CDH17: variants seen among roughly 807,000 people sequenced by gnomAD.
CDH17 encodes the protein cadherin 17.
Under a neutral mutation model 86.3 loss-of-function variants are expected in CDH17, and 67 were observed. The observed-to-expected ratio is 0.78, with a 90% CI of 0.64 to 0.95. The LOEUF (loss-of-function observed/expected upper bound fraction) is 0.95, where lower values mean the gene tolerates loss of function less well. CDH17 is among the 40% of genes least tolerant of loss of function. The pLI is 0.00. For missense variants in CDH17, 993 were observed against 1,017.6 expected (o/e 0.98, Z 0.33); for synonymous variants, 367 against 366.4 (o/e 1.00, Z -0.02).
chr8:94,141,164 A>C (rs1178761084), intron 15 of CDH17, among the ~76,000 whole-genome samples: 1 of 152,130 alleles, frequency 6.6e-6, no homozygotes, highest in Non-Finnish European at 1.5e-5. Context: ...TAGATTCAAA[A>C]GTTGATAATA....
At position 94,191,466 on chromosome 8, in the gene CDH17, T is replaced by C. The variant is rs866103660; in HGVS notation, c.52-2181A>G. On this transcript the variant is annotated intron_variant, in intron 2 of 17. Coordinates refer to ENST00000027335, the MANE Select transcript of CDH17 (RefSeq NM_004063.4). The stretch of plus-strand genomic sequence containing the variant: ...AGAAAATGCTTTTTTTTTTTTTTTT[T>C]TTGAGACAGAGTTTCACTTTTGTTG... Among the ~76,000 whole-genome samples, 123 of 151,550 alleles carry C rather than the reference T, an allele frequency of 8.1e-4. No homozygotes were observed. In the South Asian group the frequency reaches 0.012, roughly 15 times the overall value.
intron 3 of CDH17, among the ~76,000 whole-genome samples, chr8:94,186,327 T>G (rs571958765): frequency 2.0e-5 from 3 of 152,266 alleles, no homozygotes; most frequent in African/African-American, 7.2e-5. Context: ...TTGTCCTTCT[T>G]TCTGTTCCCT....
chr8:94,153,515 T>C (rs768820341), intron 12 of CDH17, among the ~76,000 whole-genome samples: 1 of 152,184 alleles, frequency 6.6e-6, no homozygotes, highest in African/African-American at 2.4e-5. Context: ...ACTGGGTATA[T>C]AAAGTCAGTA....
chr8:94,214,620 A>G (rs1814168554), intron 1 of CDH17, among the ~76,000 whole-genome samples: 2 of 152,150 alleles, frequency 1.3e-5, no homozygotes, highest in Non-Finnish European at 2.9e-5. Flanking sequence ...CACCAAAAGC[A>G]CAAATAACAA....
chr8:94,130,330 C>T (rs1053471492), intron 17 of CDH17, among the ~76,000 whole-genome samples: 1 of 152,200 alleles, frequency 6.6e-6, no homozygotes, highest in Admixed American at 6.5e-5. Context: ...ACAGCTACTG[C>T]ATTTCTTCCC....
intron 7 of CDH17, among the ~76,000 whole-genome samples, chr8:94,171,636 TG>T (rs1231751362): frequency 6.6e-6 from 1 of 152,200 alleles, no homozygotes; most frequent in African/African-American, 2.4e-5. Flanking sequence ...TTACTGAGTT[TG>T]CCACATGCCA....
intron 1 of CDH17, among the ~76,000 whole-genome samples, chr8:94,199,075 ATATATATATT>A (rs1234563809): frequency 0.043 from 411 of 9,646 alleles, no homozygotes; most frequent in South Asian, 0.13. Flanking sequence ...ATATATATAT[ATATATATATT>A]TTTTTTTTTT....
intron 15 of CDH17, among the ~76,000 whole-genome samples, chr8:94,137,482 T>C (rs983416976): frequency 1.3e-5 from 2 of 152,162 alleles, no homozygotes; most frequent in Non-Finnish European, 2.9e-5. Flanking sequence ...TGCCAGTTGC[T>C]AAGATCTTGG....
At chr8:94,162,776 T>G (rs1482406183) in intron 10 of CDH17, among the ~76,000 whole-genome samples, 1 of 152,194 alleles carries the variant, frequency 6.6e-6, no homozygotes, top group Non-Finnish European at 1.5e-5. Flanking sequence ...CTTTCAGGGA[T>G]GGGTTTCACA....
rs1813315783 is a variant in CDH17 at position 94,173,809 on chromosome 8, G to A, written c.771C>T (p.Ile257=). The stretch of plus-strand genomic sequence containing the variant: ...GCTTGGGTACTACCTGAGTGATTTT[G>A]ATGGGGTGAGGATCAGTTGAGTTTT... The part of the protein sequence containing the change: ...MVENSTDPHP[I]KITQVRWNDP... Residue 257 remains isoleucine, a synonymous_variant, in exon 7 of 18, where the codon ATC becomes ATT. Coordinates refer to ENST00000027335, the MANE Select transcript of CDH17 (RefSeq NM_004063.4). The A allele has an allele frequency of 1.2e-6, 2 of 1,613,614 alleles. No homozygotes were observed. The highest frequency in any genetic ancestry group is 1.7e-5 in the Admixed American group (1 of 60,018).
chr8:94,192,702 T>G (rs1813710457), intron 2 of CDH17, among the ~76,000 whole-genome samples: 1 of 152,174 alleles, frequency 6.6e-6, no homozygotes, highest in South Asian at 2.1e-4. Context: ...TCATCTTCCT[T>G]CTGGAAGGCC....
chr8:94,186,372 G>A lies in CDH17; in HGVS notation c.150+2815C>T, dbSNP rs527875151. On this transcript the variant is annotated intron_variant, in intron 3 of 17. Transcript: ENST00000027335. ...TGCTCATTCAGAAACATAAACAACA[G>A]AAGTTTATCGCTCATAGTTCTGAAG... is the stretch of plus-strand genomic sequence containing the variant. Among the ~76,000 whole-genome samples, 165 of 152,250 alleles carry A rather than the reference G, an allele frequency of 1.1e-3. 1 individual carries two copies. Among genetic ancestry groups the A allele is most frequent in the African/African-American group, 3.6e-3 (148 of 41,544 alleles).
intron 15 of CDH17, among the ~76,000 whole-genome samples, chr8:94,139,903 TA>T (rs59201526): frequency 0.2 from 29,752 of 147,204 alleles, 3,470 homozygotes; most frequent in African/African-American, 0.31. Context: ...AAAAAATAAA[TA>T]AAAAAAAAGG....
At chr8:94,178,907 G>A (rs1813423088) in intron 3 of CDH17, among the ~76,000 whole-genome samples, 1 of 152,034 alleles carries the variant, frequency 6.6e-6, no homozygotes, top group East Asian at 1.9e-4. Flanking sequence ...CTGGACATCA[G>A]TGAGAAAGGT....
chr8:94,176,739 A>C, intron 4 of CDH17, 60 bp from the exon 5 acceptor site: 1 of 1,524,982 alleles, frequency 6.6e-7, no homozygotes. Context: ...ACATGCCCAA[A>C]AATCACTTGA....
At chr8:94,199,216 T>TG (rs1249308896) in intron 1 of CDH17, among the ~76,000 whole-genome samples, 1 of 151,854 alleles carries the variant, frequency 6.6e-6, no homozygotes, top group Non-Finnish European at 1.5e-5. Flanking sequence ...CATCATCAGA[T>TG]GTTGGGTAAA....
intron 15 of CDH17, among the ~76,000 whole-genome samples, chr8:94,139,767 A>G (rs928186270): frequency 2.0e-5 from 3 of 151,992 alleles, no homozygotes; most frequent in South Asian, 4.2e-4. Flanking sequence ...GCTGGGCATC[A>G]TGGTGTGCAC....
intron 1 of CDH17, among the ~76,000 whole-genome samples, chr8:94,204,762 G>T (rs6991915): frequency 2.6e-5 from 4 of 152,194 alleles, no homozygotes; most frequent in African/African-American, 7.2e-5. Context: ...GTTGGCGTTT[G>T]TTCCCCCAGT....
At chr8:94,130,372 AAT>A (rs1375042413) in intron 17 of CDH17, among the ~76,000 whole-genome samples, 6 of 152,208 alleles carry the variant, frequency 3.9e-5, no homozygotes, top group African/African-American at 1.2e-4. Context: ...AACTAGGCAT[AAT>A]ATATGACAAT....
Sources: allele counts gnomAD v4.1 joint callset (sites outside exome capture counted in the v4.1 genomes callset), GRCh38; gene constraint gnomAD v4.1.1; transcripts MANE v1.5; gene names NCBI Gene and HGNC (gene_info 2026-07-23, HGNC 2026-07-21).